Variants in HMCN1 observed in about 807,000 individuals in gnomAD.
HMCN1 encodes hemicentin-1.
HMCN1 carries 321 observed loss-of-function variants against 625.9 expected under a neutral mutation model. The observed-to-expected ratio is 0.51, with a 90% confidence interval of 0.47 to 0.56. The LOEUF is 0.56. Among genes scored for constraint, HMCN1 ranks in the 20% least tolerant of loss-of-function variants. HMCN1 has a pLI of 0.00. For synonymous variants in HMCN1, 2,425 were observed against 2,417.6 expected, an observed-to-expected ratio of 1.00 and a Z score of -0.09; for missense variants, 6,588 against 6,887.3, an observed-to-expected ratio of 0.96 and a Z score of 1.54.
chr1:186,182,134 T>G (rs1235389308), intron 104 of HMCN1, 34 bp from the exon 105 acceptor site: 1 of 1,611,556 alleles, frequency 6.2e-7, no homozygotes, highest in Admixed American at 1.7e-5. Flanking sequence ...TTTTTTCTTG[T>G]GTAGTGATAA....
At position 186,115,389 on chromosome 1, in the gene HMCN1, G is replaced by T. The variant is rs1015938577; in HGVS notation, c.11536G>T (p.Val3846Leu). The T allele has an allele frequency of 6.2e-7, 1 of 1,613,708 alleles. No homozygotes were observed. Among genetic ancestry groups the T allele is most frequent in the South Asian group, 1.1e-5 (1 of 91,074 alleles). Residue 3846 changes from valine to leucine, a missense_variant, in exon 75 of 107, where the codon GTG becomes TTG. Val to Leu is a conservative substitution (Grantham distance 32, BLOSUM62 1). Coordinates refer to ENST00000271588, the MANE Select transcript of HMCN1 (RefSeq NM_031935.3). ...GAGAAAAAATGGGCATCTTCTTAATGTGGATCAAAATCAGAACTCATACAG... is the reference window on the plus strand; with the variant it reads ...GAGAAAAAATGGGCATCTTCTTAATTTGGATCAAAATCAGAACTCATACAG... ...NWRKNGHLLN[V>L]DQNQNSYRLL...
chr1:185,990,621 C>A (rs1339998198), intron 22 of HMCN1, among the ~76,000 whole-genome samples, 178 bp downstream of exon 22: 2 of 152,192 alleles, frequency 1.3e-5, no homozygotes, highest in African/African-American at 4.8e-5. Flanking sequence ...CTTCTGACAT[C>A]TTTAATGTCA....
chr1:186,096,862 CA>C, intron 68 of HMCN1, among the ~76,000 whole-genome samples: 1 of 152,162 alleles, frequency 6.6e-6, no homozygotes, highest in East Asian at 1.9e-4. Context: ...GAAAAACCCT[CA>C]ACAAATTAGG....
chr1:185,788,838 A>G (rs1657798766), intron 1 of HMCN1, among the ~76,000 whole-genome samples: 4 of 152,100 alleles, frequency 2.6e-5, no homozygotes, highest in African/African-American at 9.7e-5. Context: ...TTTATTCAGT[A>G]AAAATGTTCC....
intron 79 of HMCN1, 37 bp downstream of exon 79, chr1:186,119,919 C>A: frequency 6.2e-7 from 1 of 1,613,970 alleles, no homozygotes; most frequent in Non-Finnish European, 8.5e-7. Flanking sequence ...AAAATCATAG[C>A]ACATCAGTGT....
At chr1:186,117,232 G>A (rs1292203199) in intron 76 of HMCN1, 117 bp downstream of exon 76, 4 of 1,396,124 alleles carry the variant, frequency 2.9e-6, no homozygotes, top group African/African-American at 2.9e-5. Context: ...TTAAGTTCAG[G>A]GGTACACATG....
At chr1:185,746,118 A>G (rs1208916702) in intron 1 of HMCN1, among the ~76,000 whole-genome samples, 1 of 152,186 alleles carries the variant, frequency 6.6e-6, no homozygotes, top group Non-Finnish European at 1.5e-5. Flanking sequence ...GCTCAACAGG[A>G]CAGTTTTACT....
At chr1:185,852,095 A>T (rs1662197913) in intron 2 of HMCN1, among the ~76,000 whole-genome samples, 1 of 151,998 alleles carries the variant, frequency 6.6e-6, no homozygotes, top group African/African-American at 2.4e-5. Context: ...TCGGCAGGTT[A>T]AGGTTAGGGG....
chr1:186,007,764 C>A (rs1448303881), intron 30 of HMCN1, among the ~76,000 whole-genome samples: 2 of 152,116 alleles, frequency 1.3e-5, no homozygotes, highest in Admixed American at 1.3e-4. Context: ...TATGTCCCCA[C>A]CAAATATATG....
intron 72 of HMCN1, 76 bp downstream of exon 72, chr1:186,113,029 A>C: frequency 6.5e-7 from 1 of 1,533,384 alleles, no homozygotes; most frequent in Non-Finnish European, 9.0e-7. Context: ...GCTTTTTCTT[A>C]TGAGCATACT....
rs562987367 is a variant in HMCN1, at chr1:186,074,821, C to T, written c.8220C>T (p.Thr2740=). Reference sequence around the variant, plus strand: ...TAAAGGAGGCTCAAATATCAGACACCGGACGATATACTTGTGTAGCATCTA... The same window carrying T: ...TAAAGGAGGCTCAAATATCAGACACTGGACGATATACTTGTGTAGCATCTA... ...LQIKEAQISD[T]GRYTCVASNI... is the part of the protein sequence containing the mutation. Residue 2740 remains threonine (T), a synonymous_variant, in exon 53 of 107, where the codon ACC becomes ACT. Coordinates refer to ENST00000271588, the MANE Select transcript of HMCN1 (RefSeq NM_031935.3). 58 of 1,612,220 alleles carry T rather than the reference C, an allele frequency of 3.6e-5. 3 individuals are homozygous for T. The highest frequency in any genetic ancestry group is 3.0e-4 in the Admixed American group (18 of 59,936).
chr1:186,112,259 G>C (rs1336730845), intron 71 of HMCN1, among the ~76,000 whole-genome samples: 2 of 151,730 alleles, frequency 1.3e-5, no homozygotes, highest in Non-Finnish European at 2.9e-5. Flanking sequence ...CCTTTCAGTT[G>C]TAAGTGACAG....
intron 58 of HMCN1, 64 bp from the exon 59 acceptor site, chr1:186,087,153 T>A: frequency 1.0e-6 from 1 of 977,770 alleles, no homozygotes. Context: ...TTTATCTGAT[T>A]GGTAAAATAG....
At chr1:185,833,113 C>T (rs1291304572) in intron 1 of HMCN1, among the ~76,000 whole-genome samples, 1 of 152,104 alleles carries the variant, frequency 6.6e-6, no homozygotes, top group Non-Finnish European at 1.5e-5. Context: ...TTCATTTTCT[C>T]TCTAAGATTG....
At chr1:186,174,785 C>G in intron 103 of HMCN1, 143 bp downstream of exon 103, 1 of 757,014 alleles carries the variant, frequency 1.3e-6, no homozygotes, top group South Asian at 1.6e-5. Context: ...CGTCATTCAA[C>G]ACAATTTGGA....
rs1230866760 is a variant in HMCN1 at position 186,152,816 on chromosome 1, T to C, written c.14963T>C (p.Ile4988Thr). Residue 4988 changes from isoleucine (I) to threonine (T), a missense_variant, in exon 96 of 107, where the codon ATC (isoleucine) becomes ACC (threonine). Ile to Thr is a moderately conservative substitution (Grantham distance 89, BLOSUM62 -1). Around this residue, in one of 3 missense-constraint regions of HMCN1, gnomAD observed 1,954 missense variants for 2,013.1 expected, o/e 0.97. Coordinates refer to ENST00000271588, the MANE Select transcript of HMCN1 (RefSeq NM_031935.3). The stretch of plus-strand genomic sequence containing the variant: ...TCCGATGGTTCTTTGCTGCTAGATA[T>C]CGTTGTGAGTGGCTATGTCCTACAG... ...LDSDGSLLLD[I>T]VVSGYVLQLQ... The C allele has an allele frequency of 1.9e-6, 3 of 1,614,064 alleles. No homozygotes were observed. The highest frequency in any genetic ancestry group is 1.7e-5 in the Admixed American group (1 of 60,022).
At chr1:186,033,743 T>G (rs1296839650) in intron 36 of HMCN1, among the ~76,000 whole-genome samples, 1 of 152,220 alleles carries the variant, frequency 6.6e-6, no homozygotes, top group African/African-American at 2.4e-5. Context: ...CAGTTTCTAT[T>G]ATGCTTCTTT....
intron 71 of HMCN1, 37 bp downstream of exon 71, chr1:186,108,634 A>C: frequency 1.9e-6 from 3 of 1,612,552 alleles, no homozygotes; most frequent in Non-Finnish European, 2.5e-6. Context: ...TTCCTTTTTG[A>C]GATGAAAAAA....
At chr1:185,857,079 A>G (rs1003102691) in intron 2 of HMCN1, among the ~76,000 whole-genome samples, 3 of 152,212 alleles carry the variant, frequency 2.0e-5, no homozygotes, top group Admixed American at 2.0e-4. Context: ...TAAGATTTCT[A>G]TTCATTCTTA....
Sources: allele counts gnomAD v4.1 joint callset (sites outside exome capture counted in the v4.1 genomes callset), GRCh38; gene constraint gnomAD v4.1.1; regional missense constraint gnomAD v4.1.1; transcripts MANE v1.5; gene names NCBI Gene and HGNC (gene_info 2026-07-23, HGNC 2026-07-21).